ROBO1: variants seen among roughly 807,000 people sequenced by gnomAD.
ROBO1 encodes the protein roundabout guidance receptor 1, also known as roundabout homolog 1.
In ROBO1, 149 loss-of-function variants were observed where a neutral mutation model predicts 195.9. The observed-to-expected ratio is 0.76, with a 90% CI of 0.67 to 0.87. The LOEUF is 0.87. ROBO1 is among the 40% of genes least tolerant of loss of function. The pLI is 0.00. For synonymous variants in ROBO1, 816 were observed against 733.2 expected (o/e 1.11, Z -1.82); for missense variants, 1,933 against 2,068.3 (o/e 0.93, Z 1.27).
intron 1 of ROBO1, among the ~76,000 whole-genome samples, chr3:79,763,493 C>T (rs1349596497): frequency 1.3e-5 from 2 of 151,986 alleles, no homozygotes; most frequent in Non-Finnish European, 2.9e-5. Flanking sequence ...GAACATGAAC[C>T]ACCCTAGACA....
Position 79,269,680 on chromosome 3 carries a change from T to C in ROBO1, c.89-144141A>G, listed in dbSNP as rs529547533. Among the ~76,000 whole-genome samples the C allele has an allele frequency of 2.0e-5, 3 of 151,876 alleles. No homozygotes were observed. In the East Asian group the frequency reaches 5.8e-4, roughly 29 times the overall value. ...GTGTCTGTGAATTCTCAAAGGAATA[T>C]ACAGAAACTAAAAATGTAATTAGCA... is the stretch of plus-strand genomic sequence containing the variant. On this transcript the variant is annotated intron_variant, in intron 2 of 30. Transcript: ENST00000464233.
At chr3:79,739,610 G>T (rs1703538310) in intron 1 of ROBO1, among the ~76,000 whole-genome samples, 1 of 152,076 alleles carries the variant, frequency 6.6e-6, no homozygotes, top group Non-Finnish European at 1.5e-5. Context: ...TATTATTTTA[G>T]AAATATATGA....
chr3:78,845,609 T>A (rs1461811207), intron 4 of ROBO1, among the ~76,000 whole-genome samples: 1 of 152,146 alleles, frequency 6.6e-6, no homozygotes, highest in Non-Finnish European at 1.5e-5. Flanking sequence ...CATACAGAAT[T>A]TTTTAAAAGG....
chr3:79,370,737 T>C (rs1370501243), intron 2 of ROBO1, among the ~76,000 whole-genome samples: 1 of 151,942 alleles, frequency 6.6e-6, no homozygotes, highest in Non-Finnish European at 1.5e-5. Flanking sequence ...TACATAGATA[T>C]ATACATGTGT....
At chr3:78,977,589 C>CG (rs2076908621) in intron 3 of ROBO1, among the ~76,000 whole-genome samples, 2 of 148,724 alleles carry the variant, frequency 1.3e-5, no homozygotes, top group African/African-American at 2.5e-5. Context: ...TTCAAGCAGT[C>CG]AATATATATA....
At chr3:79,302,686 C>T (rs1312014238) in intron 2 of ROBO1, among the ~76,000 whole-genome samples, 1 of 151,836 alleles carries the variant, frequency 6.6e-6, no homozygotes, top group Non-Finnish European at 1.5e-5. Flanking sequence ...AGAGTTTTTC[C>T]GTGTTCTTTG....
chr3:79,135,008 T>G (rs1202451530), intron 2 of ROBO1, among the ~76,000 whole-genome samples: 4 of 147,854 alleles, frequency 2.7e-5, no homozygotes, highest in Non-Finnish European at 4.5e-5. Flanking sequence ...CTGCACAATG[T>G]GCACATGTAC....
intron 21 of ROBO1, among the ~76,000 whole-genome samples, chr3:78,643,973 C>A (rs557921292): frequency 1.3e-5 from 2 of 152,106 alleles, no homozygotes; most frequent in African/African-American, 4.8e-5. Context: ...GCTTTGGTGT[C>A]ATTAACTATG....
chr3:79,276,723 C>T (rs2031065863), intron 2 of ROBO1, among the ~76,000 whole-genome samples: 1 of 151,940 alleles, frequency 6.6e-6, no homozygotes, highest in African/African-American at 2.4e-5. Context: ...AACTATCCAT[C>T]TGACAAGGGA....
chr3:78,684,512 G>A (rs61218163), intron 10 of ROBO1, among the ~76,000 whole-genome samples: 2,283 of 152,126 alleles, frequency 0.015, 44 homozygotes, highest in African/African-American at 0.052. Context: ...CACGGCATGC[G>A]TATTATACTT....
chr3:79,023,656 C>T (rs1306370183), intron 3 of ROBO1, among the ~76,000 whole-genome samples: 1 of 139,920 alleles, frequency 7.1e-6, no homozygotes, highest in African/African-American at 2.7e-5. Context: ...ACTTCAGGCA[C>T]TGTAAATAGG....
chr3:79,167,778 G>T (rs75631173), intron 2 of ROBO1, among the ~76,000 whole-genome samples: 1 of 152,094 alleles, frequency 6.6e-6, no homozygotes, highest in Non-Finnish European at 1.5e-5. Context: ...AGAATACTTG[G>T]GTTTGAATTT....
chr3:79,058,069 A>T lies in ROBO1; in HGVS notation c.172+67387T>A, dbSNP rs146066085. Among the ~76,000 whole-genome samples the T allele has an allele frequency of 0.012, 1,757 of 152,094 alleles. 65 individuals carry two copies. The East Asian group carries it at 0.13, about 11-fold the overall frequency. Reference sequence around the variant, plus strand: ...CATCTCCCTTTCTCCTTTAAGAAAAATGAAAGGGGGAGTAATGGGAGATAC... The same window carrying T: ...CATCTCCCTTTCTCCTTTAAGAAAATTGAAAGGGGGAGTAATGGGAGATAC... On this transcript the variant is annotated intron_variant, in intron 3 of 30. Coordinates refer to ENST00000464233, the MANE Select transcript of ROBO1 (RefSeq NM_002941.4).
intron 2 of ROBO1, among the ~76,000 whole-genome samples, chr3:79,527,296 G>A (rs1341791336): frequency 1.3e-5 from 2 of 152,090 alleles, no homozygotes; most frequent in African/African-American, 4.8e-5. Context: ...TTTGGTTAAA[G>A]TACTGTAAAA....
At chr3:78,639,694 C>T (rs1467807636) in intron 22 of ROBO1, 50 bp downstream of exon 22, 2 of 1,521,984 alleles carry the variant, frequency 1.3e-6, no homozygotes, top group African/African-American at 1.4e-5. Context: ...GATCTTCTGG[C>T]TAGTTCCTTA....
At chr3:79,383,015 AC>A (rs779849098) in intron 2 of ROBO1, among the ~76,000 whole-genome samples, 15 of 152,138 alleles carry the variant, frequency 9.9e-5, no homozygotes, top group Admixed American at 2.6e-4. Context: ...ATGCTAATAA[AC>A]TATGGAAGAT....
intron 14 of ROBO1, among the ~76,000 whole-genome samples, chr3:78,662,686 A>C (rs7635295): frequency 0.027 from 4,066 of 152,302 alleles, 174 homozygotes; most frequent in African/African-American, 0.091. Flanking sequence ...AGATGCCAGC[A>C]AGGAAGTAAA....
At chr3:78,833,809 G>A (rs1249628004) in intron 4 of ROBO1, among the ~76,000 whole-genome samples, 1 of 152,060 alleles carries the variant, frequency 6.6e-6, no homozygotes, top group African/African-American at 2.4e-5. Flanking sequence ...AAGAACTGAG[G>A]GGTGAGGGAA....
intron 2 of ROBO1, among the ~76,000 whole-genome samples, chr3:79,222,339 G>GA (rs1424312758): frequency 1.3e-5 from 2 of 152,016 alleles, no homozygotes; most frequent in African/African-American, 4.8e-5. Context: ...TGGGGCAAAT[G>GA]AAGTTGCCTC....
Sources: gnomAD v4.1 joint callset for allele counts (sites outside exome capture counted in the v4.1 genomes callset) on GRCh38, gnomAD v4.1.1 for gene constraint, MANE v1.5 for transcripts, NCBI Gene and HGNC (gene_info 2026-07-23, HGNC 2026-07-21) for gene names.